The following GALNT17 variants were observed in gnomAD, a reference collection of about 807,000 sequenced individuals.
GALNT17 encodes the protein UDP-GalNAc:polypeptide N-acetylgalactosaminyltransferase-like 3.
GALNT17 carries 29 observed loss-of-function variants against 63.7 expected under a neutral mutation model. That is an observed-to-expected ratio of 0.46 (90% CI 0.34 to 0.62). The LOEUF is 0.62. Ranked by LOEUF, GALNT17 falls within the 20% of genes least tolerant of loss-of-function variation. GALNT17 has a pLI of 0.01. For missense variants in GALNT17, 603 were observed against 799.6 expected, an observed-to-expected ratio of 0.75 and a Z score of 2.97; for synonymous variants, 305 against 318.3, an observed-to-expected ratio of 0.96 and a Z score of 0.45.
intron 6 of GALNT17, among the ~76,000 whole-genome samples, chr7:71,636,941 T>G (rs765924435): frequency 9.9e-5 from 15 of 151,080 alleles, no homozygotes; most frequent in Admixed American, 2.0e-4. Flanking sequence ...AATAGAGGAG[T>G]AGTGTCTGCA....
intron 1 of GALNT17, among the ~76,000 whole-genome samples, chr7:71,162,055 C>T (rs1788351472): frequency 1.0e-5 from 1 of 100,256 alleles, no homozygotes. Context: ...TCCCTTCCTC[C>T]CTTTCCTTCC....
chr7:71,305,725 A>C (rs1791278808), intron 1 of GALNT17, among the ~76,000 whole-genome samples: 1 of 152,210 alleles, frequency 6.6e-6, no homozygotes, highest in Admixed American at 6.5e-5. Context: ...TGTCACCCAG[A>C]GCCAGAGAAG....
At chr7:71,399,529 T>C (rs1195807282) in intron 3 of GALNT17, among the ~76,000 whole-genome samples, 1 of 152,208 alleles carries the variant, frequency 6.6e-6, no homozygotes, top group Non-Finnish European at 1.5e-5. Flanking sequence ...TGTCTTGCAT[T>C]TCCTCTGGCT....
rs913354729 is a variant in GALNT17 at position 71,443,029 on chromosome 7, T to C, written c.962+21924T>C. ...ATTGAATTTCCGACTGTGGTTTCTGTGGCGGCTGCAGGAGGTTTCAGCTGG... is the reference window on the plus strand; with the variant it reads ...ATTGAATTTCCGACTGTGGTTTCTGCGGCGGCTGCAGGAGGTTTCAGCTGG... On this transcript the variant is annotated intron_variant, in intron 5 of 10. Coordinates refer to ENST00000333538, the MANE Select transcript of GALNT17 (RefSeq NM_022479.3). Among the ~76,000 whole-genome samples, 22 of 152,184 alleles carry C rather than the reference T, an allele frequency of 1.4e-4. No individual in the cohort carries two copies. The East Asian group carries it at 1.9e-3, about 13-fold the overall frequency.
intron 1 of GALNT17, among the ~76,000 whole-genome samples, chr7:71,221,292 G>A (rs1261223458): frequency 6.6e-6 from 1 of 151,766 alleles, no homozygotes; most frequent in Non-Finnish European, 1.5e-5. Context: ...AGTATTTCAT[G>A]GTGTATGTGT....
intron 1 of GALNT17, among the ~76,000 whole-genome samples, chr7:71,290,805 T>C (rs1009360787): frequency 1.3e-5 from 2 of 152,158 alleles, no homozygotes; most frequent in Admixed American, 1.3e-4. Context: ...ATGCTCAGAC[T>C]CCAGAGAGCC....
chr7:71,373,026 G>A (rs182067749), intron 2 of GALNT17, among the ~76,000 whole-genome samples: 62 of 152,236 alleles, frequency 4.1e-4, no homozygotes, highest in African/African-American at 1.5e-3. Flanking sequence ...TTTATGCATT[G>A]CGTGTCTCAT....
intron 5 of GALNT17, among the ~76,000 whole-genome samples, chr7:71,473,716 G>T (rs1326425921): frequency 6.6e-6 from 1 of 152,124 alleles, no homozygotes; most frequent in Non-Finnish European, 1.5e-5. Flanking sequence ...TTCAGTCAGT[G>T]GGGTGGCCTA....
chr7:71,567,355 C>T (rs907047607), intron 5 of GALNT17, among the ~76,000 whole-genome samples: 1 of 152,222 alleles, frequency 6.6e-6, no homozygotes, highest in African/African-American at 2.4e-5. Context: ...AGGGCACCTC[C>T]CAGTAAGAAG....
intron 1 of GALNT17, 108 bp from the exon 2 acceptor site, chr7:71,335,442 T>C: frequency 8.7e-7 from 1 of 1,147,626 alleles, no homozygotes; most frequent in Non-Finnish European, 1.2e-6. Flanking sequence ...CATCATTTTT[T>C]CTGTGACAAG....
At chr7:71,316,704 G>A (rs1562996496) in intron 1 of GALNT17, among the ~76,000 whole-genome samples, 1 of 152,118 alleles carries the variant, frequency 6.6e-6, no homozygotes, top group Non-Finnish European at 1.5e-5. Flanking sequence ...CTTGGCTTTG[G>A]CCTGGGCTAA....
intron 1 of GALNT17, among the ~76,000 whole-genome samples, chr7:71,184,589 C>T (rs930378275): frequency 2.6e-5 from 4 of 152,208 alleles, no homozygotes; most frequent in African/African-American, 4.8e-5. Flanking sequence ...TGACTGAAAT[C>T]GCCAGCTCCC....
At chr7:71,238,259 G>T (rs1222112895) in intron 1 of GALNT17, among the ~76,000 whole-genome samples, 2 of 152,194 alleles carry the variant, frequency 1.3e-5, no homozygotes, top group Non-Finnish European at 2.9e-5. Flanking sequence ...TTCAGGCATG[G>T]AGGGGACTCT....
intron 2 of GALNT17, among the ~76,000 whole-genome samples, chr7:71,378,704 C>T (rs555157729): frequency 3.3e-5 from 5 of 152,164 alleles, no homozygotes; most frequent in African/African-American, 9.6e-5. Context: ...AGAAATAAGG[C>T]CAGTCACTGT....
chr7:71,657,886 ATGGATGGATGGATGGATGGG>A (rs1254182932), intron 6 of GALNT17, among the ~76,000 whole-genome samples: 374 of 22,730 alleles, frequency 0.016, 4 homozygotes, highest in African/African-American at 0.05. Context: ...GGATGGATGG[ATGGATGGATGGATGGATGGG>A]TGGATGGATG....
intron 2 of GALNT17, among the ~76,000 whole-genome samples, chr7:71,368,731 G>A (rs1792560519): frequency 6.6e-6 from 1 of 152,112 alleles, no homozygotes; most frequent in South Asian, 2.1e-4. Context: ...TTGATGCTCA[G>A]TGTTTGCAAA....
chr7:71,319,093 T>TCTTTCTTTCTTTCTTTC lies in GALNT17; in HGVS notation c.239-16457_239-16456insCTTTCTTTCTTTCTTTC, dbSNP rs747369973. On this transcript the variant is annotated intron_variant, in intron 1 of 10. Coordinates refer to ENST00000333538, the MANE Select transcript of GALNT17 (RefSeq NM_022479.3). Reference sequence around the variant, plus strand: ...TCCTCAGCTTGCTGAGCTATTTTTGTTTATCTTTCTTTCTTTCTTTCTTTC... The same window carrying TCTTTCTTTCTTTCTTTC: ...TCCTCAGCTTGCTGAGCTATTTTTGTCTTTCTTTCTTTCTTTCTTATCTTTCTTTCTTTCTTTCTTTC... 2.7e-3 allele frequency among the ~76,000 whole-genome samples: 402 copies of TCTTTCTTTCTTTCTTTC among 148,650 alleles called. 2 individuals are homozygous for TCTTTCTTTCTTTCTTTC. The highest frequency in any genetic ancestry group is 7.2e-3 in the African/African-American group (281 of 39,014).
chr7:71,448,355 GTA>G (rs993256899), intron 5 of GALNT17, among the ~76,000 whole-genome samples: 12 of 148,000 alleles, frequency 8.1e-5, no homozygotes, highest in Non-Finnish European at 1.6e-4. Context: ...TACTTCGTGT[GTA>G]TGTGTGTGTG....
chr7:71,298,750 G>A (rs190393945), intron 1 of GALNT17, among the ~76,000 whole-genome samples: 5 of 152,006 alleles, frequency 3.3e-5, no homozygotes, highest in African/African-American at 1.2e-4. Flanking sequence ...ATGTATGTGT[G>A]TGAATGTGTA....
Sources: allele counts gnomAD v4.1 joint callset (sites outside exome capture counted in the v4.1 genomes callset), GRCh38; gene constraint gnomAD v4.1.1; transcripts MANE v1.5; gene names NCBI Gene and HGNC (gene_info 2026-07-23, HGNC 2026-07-21).